Variants in SGTB observed in about 807,000 individuals in gnomAD.
SGTB encodes the protein small glutamine rich tetratricopeptide repeat co-chaperone beta, also known as small glutamine-rich tetratricopeptide repeat-containing protein beta.
A neutral mutation model predicts 43.9 loss-of-function variants in SGTB; 19 were observed. The ratio of observed to expected loss-of-function variants is 0.43; its 90% CI spans 0.30 to 0.63. SGTB has a LOEUF of 0.63. Among genes scored for constraint, SGTB ranks in the 30% least tolerant of loss-of-function variants. The pLI is 0.12. For synonymous variants in SGTB, 116 were observed against 117.3 expected, an observed-to-expected ratio of 0.99 and a Z score of 0.07; for missense variants, 304 against 358.9, an observed-to-expected ratio of 0.85 and a Z score of 1.24.
chr5:65,708,646 AT>A, intron 3 of SGTB, 88 bp from the exon 4 acceptor site: 2 of 991,540 alleles, frequency 2.0e-6, no homozygotes, highest in Non-Finnish European at 1.4e-6. Flanking sequence ...AATTACCCAC[AT>A]TTTAAATCAT....
At chr5:65,708,309 A>C (rs915140903) in intron 4 of SGTB, among the ~76,000 whole-genome samples, 180 bp downstream of exon 4, 3 of 152,186 alleles carry the variant, frequency 2.0e-5, no homozygotes, top group Admixed American at 6.5e-5. Context: ...TGTACTGCCC[A>C]CAAGCCATTC....
intron 5 of SGTB, among the ~76,000 whole-genome samples, chr5:65,688,584 A>T (rs1213985796): frequency 6.6e-6 from 1 of 152,200 alleles, no homozygotes; most frequent in East Asian, 1.9e-4. Context: ...CACTTGCTAA[A>T]CACCTTCAGG....
intron 3 of SGTB, among the ~76,000 whole-genome samples, chr5:65,711,871 C>T (rs967437209): frequency 1.3e-5 from 2 of 152,150 alleles, no homozygotes; most frequent in East Asian, 1.9e-4. Flanking sequence ...TTCAGCTTCA[C>T]TCCAGAATTC....
intron 6 of SGTB, among the ~76,000 whole-genome samples, chr5:65,685,107 T>G (rs984646922): frequency 1.3e-5 from 2 of 152,154 alleles, no homozygotes; most frequent in African/African-American, 4.8e-5. Context: ...ATAATAGAAC[T>G]GTCTGCCTAA....
At chr5:65,711,311 A>G (rs1330306060) in intron 3 of SGTB, among the ~76,000 whole-genome samples, 1 of 152,224 alleles carries the variant, frequency 6.6e-6, no homozygotes, top group African/African-American at 2.4e-5. Context: ...AGAAAGAAAA[A>G]GCTTTATTCA....
rs1757082514 is a variant in SGTB, at chr5:65,668,328, G to A, written c.*1918C>T. 6.6e-6 allele frequency: 1 copy of A among 152,104 alleles called. No individual in the cohort carries two copies. The highest frequency in any genetic ancestry group is 2.1e-4 in the South Asian group (1 of 4,816). The allele number at this position is 152,104 out of a possible 1,614,324, so 9.4% of individuals were successfully genotyped here. On this transcript the variant is annotated 3_prime_UTR_variant, in exon 11 of 11. Transcript: ENST00000381007. ...CTCATTTAATTGTATATTACTTCCT[G>A]GCCAGGCACAGTGGCTCACACCTCT...
At position 65,691,665 on chromosome 5, in the gene SGTB, G is replaced by A. The variant is rs562293398; in HGVS notation, c.375-6193C>T. On this transcript the variant is annotated intron_variant, in intron 5 of 10. Coordinates refer to ENST00000381007, the MANE Select transcript of SGTB (RefSeq NM_019072.3). ...CTTTAAAAATGAAGTTACAGGCCGG[G>A]CGCAGTGCCTCACGCCTGTAATCCC... 2.7e-5 allele frequency among the ~76,000 whole-genome samples: 4 copies of A among 150,138 alleles called. No individual in the cohort carries two copies. In the East Asian group the frequency reaches 8.2e-4, roughly 31 times the overall value.
intron 2 of SGTB, among the ~76,000 whole-genome samples, chr5:65,716,883 T>C (rs1412917337): frequency 6.6e-6 from 1 of 151,866 alleles, no homozygotes; most frequent in Non-Finnish European, 1.5e-5. Context: ...GAAATGGGTA[T>C]AGATAATGAA....
intron 4 of SGTB, among the ~76,000 whole-genome samples, chr5:65,706,849 G>A (rs1174590874): frequency 6.6e-6 from 1 of 151,970 alleles, no homozygotes; most frequent in Non-Finnish European, 1.5e-5. Context: ...GAACAAAGTA[G>A]CAAAAATAAA....
chr5:65,672,403 A>G, intron 8 of SGTB, 122 bp from the exon 9 acceptor site: 1 of 1,217,386 alleles, frequency 8.2e-7, no homozygotes, highest in Non-Finnish European at 1.2e-6. Context: ...GTAGAGTTTC[A>G]GTGTGCTATG....
intron 5 of SGTB, among the ~76,000 whole-genome samples, chr5:65,687,773 G>A (rs1339053573): frequency 6.6e-6 from 1 of 152,162 alleles, no homozygotes; most frequent in Non-Finnish European, 1.5e-5. Context: ...TATTGTTGTT[G>A]TGTTTGTGTT....
chr5:65,720,875 T>A (rs1758258801), intron 1 of SGTB, 46 bp from the exon 2 acceptor site: 1 of 1,574,236 alleles, frequency 6.4e-7, no homozygotes, highest in Admixed American at 1.9e-5. Flanking sequence ...TTTTAAAGAA[T>A]CAGTCAGGAA....
At chr5:65,699,514 C>T (rs1211849350) in intron 5 of SGTB, among the ~76,000 whole-genome samples, 3 of 152,222 alleles carry the variant, frequency 2.0e-5, no homozygotes, top group Non-Finnish European at 4.4e-5. Flanking sequence ...CCAAAAACCA[C>T]ATGTACCCCC....
chr5:65,695,322 A>T (rs1454215760), intron 5 of SGTB, among the ~76,000 whole-genome samples: 2 of 152,190 alleles, frequency 1.3e-5, no homozygotes, highest in Non-Finnish European at 2.9e-5. Flanking sequence ...GGGTGTAAGG[A>T]AGGAGGGGGA....
Position 65,721,951 on chromosome 5 carries a change from C to G in SGTB, c.-57G>C, listed in dbSNP as rs1201688386. 6.6e-6 allele frequency: 1 copy of G among 152,342 alleles called. No individual in the cohort carries two copies. The highest frequency in any genetic ancestry group is 1.5e-5 in the Non-Finnish European group (1 of 68,142). 9.4% of individuals were successfully genotyped at this position (152,342 alleles called of 1,614,324 possible). On this transcript the variant is annotated 5_prime_UTR_variant, in exon 1 of 11. Transcript: ENST00000381007. ...GGACGCGAGACGACTGCTGCTGGCC[C>G]GCGGGGTTCCGTAGGCAGGCCCGCC...
intron 3 of SGTB, among the ~76,000 whole-genome samples, chr5:65,710,614 A>G (rs1758026215): frequency 6.6e-6 from 1 of 152,212 alleles, no homozygotes; most frequent in African/African-American, 2.4e-5. Flanking sequence ...TCGTCATGCT[A>G]TTTCAGGTGA....
intron 8 of SGTB, among the ~76,000 whole-genome samples, chr5:65,672,781 TA>T (rs1299045166): frequency 6.6e-6 from 1 of 152,210 alleles, no homozygotes; most frequent in Non-Finnish European, 1.5e-5. Context: ...CTCAAATTGG[TA>T]ATGTCGACAA....
At chr5:65,693,871 GCTGT>G (rs891567636) in intron 5 of SGTB, among the ~76,000 whole-genome samples, 1 of 152,190 alleles carries the variant, frequency 6.6e-6, no homozygotes, top group Admixed American at 6.5e-5. Flanking sequence ...CCTATGCCAA[GCTGT>G]CTAACAGAAC....
chr5:65,685,273 G>A (rs532169523), intron 6 of SGTB, 95 bp downstream of exon 6: 2 of 1,011,246 alleles, frequency 2.0e-6, no homozygotes, highest in Admixed American at 1.9e-5. Flanking sequence ...TAGTTCAGAG[G>A]GTAAAACATT....
Sources: gnomAD v4.1 joint callset for allele counts (sites outside exome capture counted in the v4.1 genomes callset) on GRCh38, gnomAD v4.1.1 for gene constraint, MANE v1.5 for transcripts, NCBI Gene and HGNC (gene_info 2026-07-23, HGNC 2026-07-21) for gene names.